Variants in RBFOX1 observed in about 807,000 individuals in gnomAD.
The protein encoded by RBFOX1 is RNA binding fox-1 homolog 1.
A neutral mutation model predicts 57.7 loss-of-function variants in RBFOX1; 8 were observed. The observed-to-expected ratio is 0.14, with a 90% CI of 0.08 to 0.25. The LOEUF (loss-of-function observed/expected upper bound fraction) is 0.25. RBFOX1 is among the 10% of genes least tolerant of loss of function. The pLI is 1.00. For missense variants in RBFOX1, 611 were observed against 548.5 expected (o/e 1.11, Z -1.14); for synonymous variants, 326 against 222.4 (o/e 1.47, Z -4.15).
intron 3 of RBFOX1, among the ~76,000 whole-genome samples, chr16:6,901,475 C>G (rs923375006): frequency 6.6e-6 from 1 of 152,168 alleles, no homozygotes; most frequent in Non-Finnish European, 1.5e-5. Flanking sequence ...CCCTACGACT[C>G]TTCCTTAGCC....
chr16:7,293,665 A>C (rs889196870), intron 4 of RBFOX1, among the ~76,000 whole-genome samples: 4 of 152,176 alleles, frequency 2.6e-5, no homozygotes, highest in Admixed American at 2.6e-4. Context: ...TTGGAATCCT[A>C]GAGATTGTCT....
chr16:5,552,651 A>T lies in RBFOX1; in HGVS notation c.259-46251A>T, dbSNP rs551997193. 2.6e-5 allele frequency among the ~76,000 whole-genome samples: 4 copies of T among 152,244 alleles called. No individual in the cohort carries two copies. The East Asian group carries it at 7.7e-4, about 29-fold the overall frequency. Reference sequence around the variant, plus strand: ...TAGAGAAGTTGGCCAGTAAAATAGAATTGGAAACCGACTCACATTGAGAAA... The same window carrying T: ...TAGAGAAGTTGGCCAGTAAAATAGATTTGGAAACCGACTCACATTGAGAAA... On this transcript the variant is annotated intron_variant, in intron 2 of 2. Coordinates refer to the RBFOX1 transcript ENST00000585867.
chr16:5,418,194 A>G (rs897781384), intron 1 of RBFOX1, among the ~76,000 whole-genome samples: 2 of 152,254 alleles, frequency 1.3e-5, no homozygotes, highest in Non-Finnish European at 2.9e-5. Flanking sequence ...AAAAGCAGGA[A>G]TAATTAATGG....
intron 5 of RBFOX1, among the ~76,000 whole-genome samples, chr16:7,529,595 TAGC>T (rs1253071259): frequency 6.6e-6 from 1 of 152,228 alleles, no homozygotes; most frequent in Non-Finnish European, 1.5e-5. Context: ...TTCTTAAGAA[TAGC>T]AGCAATTTTT....
At chr16:6,725,175 C>T (rs529468919) in intron 3 of RBFOX1, among the ~76,000 whole-genome samples, 8 of 151,360 alleles carry the variant, frequency 5.3e-5, no homozygotes, top group East Asian at 2.0e-4. Flanking sequence ...CTCAGCCTCC[C>T]GAGTAACTGG....
chr16:5,548,973 A>C (rs1315209641), intron 2 of RBFOX1, among the ~76,000 whole-genome samples: 1 of 152,182 alleles, frequency 6.6e-6, no homozygotes, highest in Non-Finnish European at 1.5e-5. Flanking sequence ...TGTTATTAGT[A>C]ATGAAGATAA....
chr16:5,954,353 C>T (rs1013194897), intron 4 of RBFOX1, among the ~76,000 whole-genome samples: 2 of 151,930 alleles, frequency 1.3e-5, no homozygotes, highest in African/African-American at 2.4e-5. Flanking sequence ...GGAACAATAA[C>T]GGTGGAGCAG....
chr16:5,666,157 G>T (rs372272082), intron 3 of RBFOX1, among the ~76,000 whole-genome samples: 15 of 152,342 alleles, frequency 9.8e-5, no homozygotes, highest in East Asian at 9.6e-4. Flanking sequence ...CCACATTTGG[G>T]CACATCCATC....
At chr16:6,568,890 C>G (rs2097304984) in intron 2 of RBFOX1, among the ~76,000 whole-genome samples, 1 of 152,090 alleles carries the variant, frequency 6.6e-6, no homozygotes, top group African/African-American at 2.4e-5. Flanking sequence ...TGCCTCAGCA[C>G]TGCCCCCAAG....
At chr16:7,409,659 A>G (rs775987543) in intron 4 of RBFOX1, among the ~76,000 whole-genome samples, 1 of 152,224 alleles carries the variant, frequency 6.6e-6, no homozygotes, top group Non-Finnish European at 1.5e-5. Context: ...TCCAATCACT[A>G]TAGGCCAGAC....
intron 4 of RBFOX1, among the ~76,000 whole-genome samples, chr16:7,436,907 C>CA (rs905662319): frequency 6.6e-6 from 1 of 151,860 alleles, no homozygotes; most frequent in African/African-American, 2.4e-5. Context: ...ACTAAAAATA[C>CA]AAAAAAATAA....
intron 3 of RBFOX1, among the ~76,000 whole-genome samples, chr16:5,787,463 G>T (rs1301357801): frequency 1.3e-4 from 20 of 152,198 alleles, no homozygotes; most frequent in Admixed American, 1.3e-3. Context: ...GTAGTTTGCA[G>T]TGGGCTTACC....
intron 3 of RBFOX1, among the ~76,000 whole-genome samples, chr16:6,885,364 G>C (rs1255676921): frequency 6.6e-6 from 1 of 152,060 alleles, no homozygotes; most frequent in Non-Finnish European, 1.5e-5. Flanking sequence ...AAGCCTTCGG[G>C]GGGTTGCCGA....
chr16:6,716,303 G>A (rs570739044), intron 3 of RBFOX1, among the ~76,000 whole-genome samples: 99 of 152,202 alleles, frequency 6.5e-4, no homozygotes, highest in African/African-American at 2.3e-3. Context: ...AACAACTTCC[G>A]ATCCCTTCTG....
chr16:7,045,008 C>G (rs2047418953), intron 3 of RBFOX1, among the ~76,000 whole-genome samples: 1 of 152,302 alleles, frequency 6.6e-6, no homozygotes, highest in South Asian at 2.1e-4. Flanking sequence ...CCGAAACACA[C>G]AACTCATGAT....
At position 7,393,861 on chromosome 16, in the gene RBFOX1, C is replaced by T. The variant is rs538916180; in HGVS notation, c.28-124286C>T. 2.4e-3 allele frequency among the ~76,000 whole-genome samples: 364 copies of T among 152,228 alleles called. 5 individuals carry two copies. The highest frequency in any genetic ancestry group is 6.8e-4 in the Non-Finnish European group (46 of 68,014). ...ACATTCAGAGAAGAATTCAGGTTGT[C>T]AGCAGTTAGCTGCAAACACCCACGT... On this transcript the variant is annotated intron_variant, in intron 4 of 15. Transcript: ENST00000550418.
intron 1 of RBFOX1, among the ~76,000 whole-genome samples, chr16:6,239,637 A>G (rs1268308313): frequency 1.3e-5 from 2 of 151,728 alleles, no homozygotes; most frequent in Non-Finnish European, 2.9e-5. Flanking sequence ...AGCTGGGACT[A>G]CAGGCACCCA....
chr16:6,568,484 T>A (rs2097298636), intron 2 of RBFOX1, among the ~76,000 whole-genome samples: 1 of 152,136 alleles, frequency 6.6e-6, no homozygotes, highest in South Asian at 2.1e-4. Context: ...GAAGCCATAG[T>A]CTTTTATAAC....
intron 4 of RBFOX1, among the ~76,000 whole-genome samples, chr16:7,163,412 A>G (rs2078796201): frequency 6.6e-6 from 1 of 152,156 alleles, no homozygotes; most frequent in South Asian, 2.1e-4. Flanking sequence ...ATCAATGTGT[A>G]TGAAGCGGCT....
Sources: allele counts gnomAD v4.1 joint callset (sites outside exome capture counted in the v4.1 genomes callset), GRCh38; gene constraint gnomAD v4.1.1; transcripts MANE v1.5; gene names NCBI Gene and HGNC (gene_info 2026-07-23, HGNC 2026-07-21).